NME9: variants seen among roughly 807,000 people sequenced by gnomAD.
NME9 encodes the protein thioredoxin domain-containing protein 6.
In NME9, 48 loss-of-function variants were observed where a neutral mutation model predicts 44.4. That is an observed-to-expected ratio of 1.08 (90% CI 0.86 to 1.37). The LOEUF is 1.37. NME9 is among the 40% of genes most tolerant of loss of function. NME9 has a pLI of 0.00. For synonymous variants in NME9, 139 were observed against 147.1 expected (o/e 0.94, Z 0.40); for missense variants, 325 against 405.2 (o/e 0.80, Z 1.70).
chr3:138,297,864 C>T (rs1032411798), downstream of NME9: 19 of 152,160 alleles, frequency 1.2e-4, no homozygotes, highest in African/African-American at 3.6e-4. Flanking sequence ...TTAAATAGTA[C>T]TAGGTAAATA....
intron 9 of NME9, 100 bp from the exon 10 acceptor site, chr3:138,303,743 G>T: frequency 2.0e-6 from 2 of 996,196 alleles, no homozygotes; most frequent in South Asian, 1.5e-5. Flanking sequence ...TCAGCACCCT[G>T]CATTCCTGTG....
At chr3:138,313,748 C>T (rs929708137) in intron 6 of NME9, among the ~76,000 whole-genome samples, 3 of 152,132 alleles carry the variant, frequency 2.0e-5, no homozygotes, top group African/African-American at 7.2e-5. Context: ...AAAATCCTGT[C>T]ATTTGTGGCA....
chr3:138,288,538 T>G (rs1488918091), intron 8 of NME9, among the ~76,000 whole-genome samples: 1 of 152,116 alleles, frequency 6.6e-6, no homozygotes, highest in Non-Finnish European at 1.5e-5. Context: ...TGCCAGATTC[T>G]CCACTGTCCC....
chr3:138,310,003 G>A (rs1213674553), intron 6 of NME9, among the ~76,000 whole-genome samples: 3 of 150,120 alleles, frequency 2.0e-5, no homozygotes, highest in Admixed American at 6.7e-5. Flanking sequence ...GGCGACGAGT[G>A]AAACTCCATC....
intron 8 of NME9, chr3:138,263,965 TA>T: frequency 1.0e-6 from 1 of 970,252 alleles, no homozygotes; most frequent in Non-Finnish European, 1.6e-6. Context: ...TAACATTGTC[TA>T]ACAGAGAGCC....
intron 8 of NME9, among the ~76,000 whole-genome samples, chr3:138,272,498 A>G (rs550549050): frequency 6.6e-6 from 1 of 152,384 alleles, no homozygotes; most frequent in Admixed American, 6.5e-5. Flanking sequence ...CTTGACGGAC[A>G]GAAATATAGG....
rs1577213585 is a variant in NME9, at chr3:138,324,946, A to G, written c.34-16T>C. 5.0e-6 allele frequency: 8 copies of G among 1,610,932 alleles called. 1 individual carries two copies. The East Asian group carries it at 1.8e-4, about 36-fold the overall frequency. On this transcript the variant is annotated splice_polypyrimidine_tract_variant and intron_variant, in intron 1 of 10. Transcript: ENST00000333911. ...TGATGTTGACCTAAAGCCAAAGAGGATCAAATGCCGTATTACTGAGGGCTC... is the reference window on the plus strand; with the variant it reads ...TGATGTTGACCTAAAGCCAAAGAGGGTCAAATGCCGTATTACTGAGGGCTC...
chr3:138,305,974 T>G, intron 8 of NME9, 30 bp downstream of exon 8: 3 of 1,363,128 alleles, frequency 2.2e-6, no homozygotes, highest in Non-Finnish European at 3.2e-6. Context: ...AACGACAGTG[T>G]GTTGAACTTG....
At chr3:138,271,914 A>G (rs918116355) in intron 8 of NME9, among the ~76,000 whole-genome samples, 1 of 151,094 alleles carries the variant, frequency 6.6e-6, no homozygotes, top group African/African-American at 2.4e-5. Flanking sequence ...TTGTGCCTCA[A>G]CCTCCTGAGT....
At chr3:138,287,574 A>G (rs1295312647) in intron 8 of NME9, 1 of 455,000 alleles carries the variant, frequency 2.2e-6, no homozygotes, top group Non-Finnish European at 4.4e-6. Context: ...TATTCAACAA[A>G]TATTGATTGA....
At chr3:138,279,424 G>A (rs1314777258) in intron 8 of NME9, among the ~76,000 whole-genome samples, 1 of 151,918 alleles carries the variant, frequency 6.6e-6, no homozygotes, top group East Asian at 1.9e-4. Flanking sequence ...TTATCCTTTA[G>A]ATATATTGTT....
At chr3:138,308,975 A>G (rs534575088) in intron 6 of NME9, among the ~76,000 whole-genome samples, 2 of 148,292 alleles carry the variant, frequency 1.3e-5, no homozygotes, top group South Asian at 4.2e-4. Context: ...AAAAACTGTC[A>G]TCCAAGAATA....
intron 1 of NME9, 77 bp from the exon 2 acceptor site, chr3:138,325,007 T>TTCTC: frequency 1.7e-6 from 2 of 1,164,748 alleles, no homozygotes; most frequent in South Asian, 1.3e-5. Context: ...TGCTCTAGAT[T>TTCTC]TCTCTCTTCT....
chr3:138,299,690 C>G (rs1322082335), downstream of NME9, among the ~76,000 whole-genome samples: 4 of 152,146 alleles, frequency 2.6e-5, no homozygotes, highest in Non-Finnish European at 5.9e-5. Context: ...CCACTCCTGC[C>G]CCATCACCTA....
chr3:138,328,544 A>T (rs1207803119), intron 1 of NME9, among the ~76,000 whole-genome samples: 1 of 152,200 alleles, frequency 6.6e-6, no homozygotes. Flanking sequence ...TATGCATCTT[A>T]CTGGGGCCAG....
At chr3:138,328,809 C>G (rs2053952911) in intron 1 of NME9, among the ~76,000 whole-genome samples, 1 of 152,062 alleles carries the variant, frequency 6.6e-6, no homozygotes, top group Admixed American at 6.5e-5. Context: ...CATAATATAT[C>G]TCAAAACATA....
At chr3:138,296,421 T>G (rs2051489590), downstream of NME9, 1 of 152,158 alleles carries the variant, frequency 6.6e-6, no homozygotes, top group Non-Finnish European at 1.5e-5. Flanking sequence ...AATGTTATTT[T>G]AAAAACAAAA....
intron 8 of NME9, among the ~76,000 whole-genome samples, chr3:138,286,234 C>T (rs1410231885): frequency 1.3e-5 from 2 of 152,278 alleles, no homozygotes; most frequent in South Asian, 2.1e-4. Flanking sequence ...TGAGCCACTG[C>T]GCCCAACCTT....
At chr3:138,305,918 G>C (rs1442016917) in intron 8 of NME9, 86 bp downstream of exon 8, 5 of 927,180 alleles carry the variant, frequency 5.4e-6, no homozygotes, top group Non-Finnish European at 8.8e-6. Flanking sequence ...AATTTCTTCT[G>C]TCACAAACTG....
Sources: allele counts gnomAD v4.1 joint callset (sites outside exome capture counted in the v4.1 genomes callset), GRCh38; gene constraint gnomAD v4.1.1; transcripts MANE v1.5; gene names NCBI Gene and HGNC (gene_info 2026-07-23, HGNC 2026-07-21).